Variants in SH3BP1 observed in about 807,000 individuals in gnomAD.
SH3BP1 encodes SH3 domain binding protein 1.
Under a neutral mutation model 69.8 loss-of-function variants are expected in SH3BP1, and 46 were observed. The observed-to-expected ratio is 0.66, with a 90% CI of 0.52 to 0.84. SH3BP1 has a LOEUF of 0.84. SH3BP1 is among the 40% of genes least tolerant of loss of function. The pLI is 0.00. For missense variants in SH3BP1, 868 were observed against 930.9 expected (o/e 0.93, Z 0.88); for synonymous variants, 403 against 378.0 (o/e 1.07, Z -0.77).
chr22:37,643,809 C>G (rs1431553958), intron 7 of SH3BP1, 21 bp downstream of exon 7: 1 of 1,611,066 alleles, frequency 6.2e-7, no homozygotes, highest in African/African-American at 1.3e-5. Flanking sequence ...TGGGGGTCCC[C>G]TGGATATGTA....
In SH3BP1 at chr22:37,647,536, G is replaced by A. The variant is rs374393065; in HGVS notation, c.1199+15G>A. The A allele has an allele frequency of 8.9e-4, 1,407 of 1,575,358 alleles. 19 individuals carry two copies. The South Asian group carries it at 0.011, about 12-fold the overall frequency. On this transcript the variant is annotated intron_variant, in intron 13 of 17. Coordinates refer to ENST00000649765, the MANE Select transcript of SH3BP1 (RefSeq NM_018957.6). Reference sequence around the variant, plus strand: ...AGCAACCTCAGGTGAGCCCGAGCCCGCCTCCCCAGCCTGCCGCAGAGCCAG... The same window carrying A: ...AGCAACCTCAGGTGAGCCCGAGCCCACCTCCCCAGCCTGCCGCAGAGCCAG...
In SH3BP1 at chr22:37,643,747, G is replaced by T. The variant is rs1289780058; in HGVS notation, c.577G>T (p.Glu193Ter). ...TMANKVETLK[E>*]EEEELKRKVE... The stretch of plus-strand genomic sequence containing the variant: ...GGCCAACAAGGTGGAGACGCTGAAG[G>T]AGGAGGAGGAGGAGCTGAAGAGGAA... The change falls in exon 7 of 18, where the codon GAG becomes TAG. Residue 193 changes from glutamate to a stop codon, truncating the protein, a stop_gained. Transcript: ENST00000649765. LOFTEE classifies it high-confidence loss of function. The T allele has an allele frequency of 1.2e-6, 2 of 1,610,450 alleles. No individual in the cohort carries two copies. The highest frequency in any genetic ancestry group is 1.7e-5 in the Admixed American group (1 of 59,932).
intron 6 of SH3BP1, 132 bp downstream of exon 6, chr22:37,643,306 G>A (rs1447631290): frequency 6.2e-6 from 5 of 812,240 alleles, no homozygotes; most frequent in Middle Eastern, 2.5e-4. Context: ...ACTTGTGCAC[G>A]CCTGGTCCCT....
At position 37,647,504 on chromosome 22, in the gene SH3BP1, G is replaced by A. The variant is rs369646982; in HGVS notation, c.1182G>A (p.Glu394=). The A allele has an allele frequency of 1.0e-3, 1,680 of 1,604,846 alleles. 3 individuals are homozygous for A. The highest frequency in any genetic ancestry group is 1.3e-3 in the Non-Finnish European group (1,563 of 1,179,408). Residue 394 remains glutamate (E), a synonymous_variant, in exon 13 of 18, where the codon GAG becomes GAA. Coordinates refer to ENST00000649765, the MANE Select transcript of SH3BP1 (RefSeq NM_018957.6). ...AGGTGTGCAGCCGCCTACCCCCCGA[G>A]AACCTCAGCAACCTCAGGTGAGCCC... is the stretch of plus-strand genomic sequence containing the variant. ...LQEVCSRLPP[E]NLSNLRYLMK... is the part of the protein sequence containing the mutation.
At position 37,641,184 on chromosome 22, in the gene SH3BP1, G is replaced by A. The variant is rs935812968; in HGVS notation, c.102+16G>A. ...CCTGCTGCAGGTACGTGCCTGGGCC[G>A]GGCAGGTGGGAAGGCAGGCCTGTGC... On this transcript the variant is annotated intron_variant, in intron 2 of 17. Transcript: ENST00000649765. 3.2e-5 allele frequency: 50 copies of A among 1,544,112 alleles called. No homozygotes were observed. Among genetic ancestry groups the A allele is most frequent in the Non-Finnish European group, 3.8e-5 (44 of 1,142,866 alleles).
chr22:37,645,960 C>CTTTTTT (rs11329854), intron 10 of SH3BP1, among the ~76,000 whole-genome samples: 1 of 126,280 alleles, frequency 7.9e-6, no homozygotes, highest in Non-Finnish European at 1.6e-5. Flanking sequence ...CTCCCTTACA[C>CTTTTTT]TTTTTTTTTT....
At chr22:37,655,154 C>T (rs1932983452) in intron 17 of SH3BP1, 118 bp from the exon 18 acceptor site, 3 of 717,782 alleles carry the variant, frequency 4.2e-6, no homozygotes, top group East Asian at 6.3e-5. Flanking sequence ...GCCGCAGAAA[C>T]GGTGTTCCCG....
At position 37,655,883 on chromosome 22, in the gene SH3BP1, T is replaced by A; in HGVS notation, c.*199T>A. ...TTCCTGACCTTTTCCTCGTCCACCC[T>A]GGGCTTGGGGACCCCCCCACCGGAC... On this transcript the variant is annotated 3_prime_UTR_variant, in exon 18 of 18. Transcript: ENST00000649765. 1 of 1,539,412 alleles carries A rather than the reference T, an allele frequency of 6.5e-7. No individual in the cohort carries two copies. Among genetic ancestry groups the A allele is most frequent in the Non-Finnish European group, 8.7e-7 (1 of 1,148,434 alleles).
chr22:37,648,587 A>T, intron 14 of SH3BP1, 152 bp downstream of exon 14: 1 of 649,408 alleles, frequency 1.5e-6, no homozygotes, highest in South Asian at 1.7e-5. Flanking sequence ...GAACAGGCCA[A>T]AGGGGCTGTG....
At position 37,650,688 on chromosome 22, in the gene SH3BP1, C is replaced by CAGCTA; in HGVS notation, c.1561_1562insAGCTA (p.Pro521GlnfsTer139). 1 of 1,613,304 alleles carries CAGCTA rather than the reference C, an allele frequency of 6.2e-7. No individual in the cohort carries two copies. Among genetic ancestry groups the CAGCTA allele is most frequent in the Non-Finnish European group, 8.5e-7 (1 of 1,179,680 alleles). On this transcript the variant is annotated frameshift_variant, in exon 16 of 18. Coordinates refer to ENST00000649765, the MANE Select transcript of SH3BP1 (RefSeq NM_018957.6). LOFTEE classifies it high-confidence loss of function. ...TCCGGCTCCGGCTCCAGCTCCAGCT[C>CAGCTA]CGGCCCCAGCCTTGGCTTCAGCAGC... is the stretch of plus-strand genomic sequence containing the variant.
At chr22:37,642,744 G>A (rs1932647341) in intron 4 of SH3BP1, 129 bp downstream of exon 4, 1 of 1,602,452 alleles carries the variant, frequency 6.2e-7, no homozygotes, top group Non-Finnish European at 8.5e-7. Flanking sequence ...CCAGGTCAGT[G>A]AGGGTGGCCA....
At chr22:37,642,670 C>A in intron 4 of SH3BP1, 55 bp downstream of exon 4, 1 of 1,611,912 alleles carries the variant, frequency 6.2e-7, no homozygotes, top group East Asian at 2.2e-5. Context: ...GTGATCTCAG[C>A]TGGGAGGGGG....
intron 1 of SH3BP1, 148 bp downstream of exon 1, chr22:37,639,994 C>A: frequency 1.8e-6 from 1 of 565,018 alleles, no homozygotes. Context: ...TCTTCCTCCT[C>A]TCTGAACGCC....
At position 37,641,107 on chromosome 22, in the gene SH3BP1, C is replaced by CG. The variant is rs755011439; in HGVS notation, c.60-19_60-18insG. 6.1e-5 allele frequency: 83 copies of CG among 1,363,200 alleles called. 2 individuals carry two copies. The highest frequency in any genetic ancestry group is 1.0e-4 in the East Asian group (4 of 40,120). 84.4% of individuals were successfully genotyped at this position (1,363,200 alleles called of 1,614,324 possible). ...CTCAGCAGAAGCACTCTCCCCCCCC[C>CG]CCCCACCACTCCCCGCAGCACCCCG... On this transcript the variant is annotated intron_variant, in intron 1 of 17. Coordinates refer to ENST00000649765, the MANE Select transcript of SH3BP1 (RefSeq NM_018957.6).
chr22:37,645,649 T>C (rs1932773926), intron 10 of SH3BP1, 139 bp downstream of exon 10: 2 of 965,578 alleles, frequency 2.1e-6, no homozygotes, highest in African/African-American at 1.6e-5. Context: ...GACTGCCTCC[T>C]GCGGCATCCA....
At position 37,655,921 on chromosome 22, in the gene SH3BP1, G is replaced by A. The variant is rs370173875; in HGVS notation, c.*237G>A. The stretch of plus-strand genomic sequence containing the variant: ...CCCCCCACCGGACTCTCCACTCTCC[G>A]GCAGGTCCTAGGGGAGCCACCGGAA... On this transcript the variant is annotated 3_prime_UTR_variant, in exon 18 of 18. Transcript: ENST00000649765. 41 of 1,569,026 alleles carry A rather than the reference G, an allele frequency of 2.6e-5. No homozygotes were observed. The highest frequency in any genetic ancestry group is 6.9e-5 in the Admixed American group (4 of 57,914).
chr22:37,647,868 G>C (rs1009918681), intron 13 of SH3BP1, among the ~76,000 whole-genome samples: 2 of 152,104 alleles, frequency 1.3e-5, no homozygotes, highest in Non-Finnish European at 2.9e-5. Flanking sequence ...TAAAGGTGGG[G>C]TTTTACCATG....
intron 13 of SH3BP1, among the ~76,000 whole-genome samples, chr22:37,648,082 G>A (rs545754996): frequency 2.0e-5 from 3 of 152,320 alleles, no homozygotes; most frequent in East Asian, 1.9e-4. Context: ...GCCACTCAGC[G>A]TCATCATCTG....
At chr22:37,651,035 T>G (rs968655467) in intron 16 of SH3BP1, among the ~76,000 whole-genome samples, 8 of 152,028 alleles carry the variant, frequency 5.3e-5, no homozygotes, top group African/African-American at 1.7e-4. Context: ...CTTCCAGTTT[T>G]GTTTTGTTTT....
Sources: allele counts gnomAD v4.1 joint callset (sites outside exome capture counted in the v4.1 genomes callset), GRCh38; gene constraint gnomAD v4.1.1; transcripts MANE v1.5; gene names NCBI Gene and HGNC (gene_info 2026-07-23, HGNC 2026-07-21).